RNF144A: variants seen among roughly 807,000 people sequenced by gnomAD.
RNF144A encodes the protein ring finger protein 144A, also known as E3 ubiquitin-protein ligase RNF144A.
A neutral mutation model predicts 38.7 loss-of-function variants in RNF144A; 11 were observed. The ratio of observed to expected loss-of-function variants is 0.28; its 90% confidence interval spans 0.18 to 0.47. The LOEUF (loss-of-function observed/expected upper bound fraction) is 0.47, where lower values mean the gene tolerates loss of function less well. Among genes scored for constraint, RNF144A ranks in the 20% least tolerant of loss-of-function variants. The pLI is 0.99. For missense variants in RNF144A, 316 were observed against 377.2 expected (o/e 0.84, Z 1.34); for synonymous variants, 149 against 143.9 (o/e 1.04, Z -0.25).
At chr2:7,066,115 T>C (rs961427550) in intron 6 of RNF144A, among the ~76,000 whole-genome samples, 1 of 151,800 alleles carries the variant, frequency 6.6e-6, no homozygotes, top group Non-Finnish European at 1.5e-5. Context: ...TGAGACGGAG[T>C]CTCACTCTGT....
At chr2:7,038,854 G>A (rs1049769844) in intron 8 of RNF144A, among the ~76,000 whole-genome samples, 1 of 151,756 alleles carries the variant, frequency 6.6e-6, no homozygotes, top group Non-Finnish European at 1.5e-5. Context: ...GGGTGGGTGA[G>A]TGGGTGAATG....
chr2:7,059,214 G>A (rs917288321), intron 6 of RNF144A, among the ~76,000 whole-genome samples: 1 of 152,094 alleles, frequency 6.6e-6, no homozygotes, highest in Admixed American at 6.5e-5. Flanking sequence ...AGGCATGGTG[G>A]CGGGTGCCTG....
intron 2 of RNF144A, among the ~76,000 whole-genome samples, chr2:6,992,295 G>A (rs539595945): frequency 7.2e-5 from 11 of 152,274 alleles, no homozygotes; most frequent in Admixed American, 6.5e-4. Flanking sequence ...TTAATGAGTC[G>A]GGGTTGGAGC....
chr2:6,950,165 T>C (rs933405314), intron 2 of RNF144A, among the ~76,000 whole-genome samples: 1 of 152,220 alleles, frequency 6.6e-6, no homozygotes, highest in Admixed American at 6.5e-5. Context: ...GAGAGCATCG[T>C]TGATGTGAAT....
chr2:7,011,932 G>A (rs1469356572), intron 3 of RNF144A, among the ~76,000 whole-genome samples: 1 of 152,178 alleles, frequency 6.6e-6, no homozygotes. Context: ...GCATCCTGAT[G>A]ACACATGATG....
intron 3 of RNF144A, among the ~76,000 whole-genome samples, chr2:7,012,793 G>C (rs552351256): frequency 6.6e-6 from 1 of 152,152 alleles, no homozygotes; most frequent in Non-Finnish European, 1.5e-5. Context: ...GGAGTCTCAC[G>C]TAGAACTCCA....
chr2:7,011,597 C>G (rs960499852), intron 3 of RNF144A, among the ~76,000 whole-genome samples: 13 of 152,136 alleles, frequency 8.5e-5, no homozygotes, highest in Non-Finnish European at 1.5e-5. Flanking sequence ...ATGCAATTCA[C>G]GTAGAATCTA....
intron 6 of RNF144A, among the ~76,000 whole-genome samples, chr2:7,060,422 GCA>G (rs1673907362): frequency 1.3e-5 from 2 of 152,182 alleles, no homozygotes; most frequent in South Asian, 4.2e-4. Context: ...TTTTCTTCAG[GCA>G]CACGATGACC....
At chr2:6,972,497 C>T (rs1457641906) in intron 2 of RNF144A, among the ~76,000 whole-genome samples, 1 of 152,166 alleles carries the variant, frequency 6.6e-6, no homozygotes, top group African/African-American at 2.4e-5. Context: ...GGGTTTGTTC[C>T]TTGAGCTAAT....
chr2:6,931,960 T>C (rs1234892706), intron 1 of RNF144A, among the ~76,000 whole-genome samples: 3 of 152,234 alleles, frequency 2.0e-5, no homozygotes, highest in Non-Finnish European at 4.4e-5. Context: ...AGTTCAACTA[T>C]GTTCTTATTG....
intron 2 of RNF144A, among the ~76,000 whole-genome samples, chr2:6,942,679 T>G (rs1476541483): frequency 1.3e-5 from 2 of 152,064 alleles, no homozygotes; most frequent in Non-Finnish European, 2.9e-5. Flanking sequence ...CAGAGAAGGT[T>G]TGGGTGCAAA....
chr2:7,075,521 G>A, the RNF144A span, among the ~76,000 whole-genome samples: 1 of 152,048 alleles, frequency 6.6e-6, no homozygotes, highest in East Asian at 1.9e-4. Flanking sequence ...AGGTCATCAG[G>A]GCCCTCATGA....
intron 6 of RNF144A, among the ~76,000 whole-genome samples, chr2:7,058,122 A>G (rs1048479061): frequency 1.3e-5 from 2 of 152,192 alleles, no homozygotes; most frequent in African/African-American, 4.8e-5. Context: ...AGATAAGTCA[A>G]TATGATACCT....
At chr2:6,978,594 A>T (rs1668448645) in intron 2 of RNF144A, 1 of 152,594 alleles carries the variant, frequency 6.6e-6, no homozygotes, top group African/African-American at 2.4e-5. Context: ...TCTTGGGAAT[A>T]ATTTGAAGTT....
intron 2 of RNF144A, among the ~76,000 whole-genome samples, chr2:6,979,123 A>T (rs1481361076): frequency 2.0e-5 from 3 of 152,044 alleles, no homozygotes; most frequent in African/African-American, 7.3e-5. Context: ...AGGGGCTGGG[A>T]TAGGGGCTCA....
At chr2:7,068,263 G>A in exon 7 of RNF144A, 9 of 1,302,034 alleles carry the variant, frequency 6.9e-6, no homozygotes, top group Non-Finnish European at 9.1e-6. Flanking sequence ...CTGAATCTGA[G>A]TGTCATCTGT....
intron 2 of RNF144A, among the ~76,000 whole-genome samples, chr2:6,956,118 T>C (rs1666980113): frequency 6.6e-6 from 1 of 152,122 alleles, no homozygotes; most frequent in Non-Finnish European, 1.5e-5. Context: ...ATTTAAAGCT[T>C]ATTGGGGGTT....
In RNF144A at chr2:6,954,953, G is replaced by A. The variant is rs148242719; in HGVS notation, c.-12+13806G>A. Among the ~76,000 whole-genome samples the A allele has an allele frequency of 3.0e-3, 464 of 152,170 alleles. 1 individual carries two copies. The highest frequency in any genetic ancestry group is 0.011 in the African/African-American group (444 of 41,528). Reference sequence around the variant, plus strand: ...TTTATAAGGTGACCCACACACTACCGTTTTTAAAAAGATAGTGTTATTTTT... The same window carrying A: ...TTTATAAGGTGACCCACACACTACCATTTTTAAAAAGATAGTGTTATTTTT... On this transcript the variant is annotated intron_variant, in intron 2 of 8. Transcript: ENST00000320892.
chr2:7,055,095 T>A (rs755182608), intron 6 of RNF144A, among the ~76,000 whole-genome samples: 2 of 152,202 alleles, frequency 1.3e-5, no homozygotes, highest in Non-Finnish European at 1.5e-5. Flanking sequence ...CTTCCTTTAC[T>A]GTCCTGTAGC....
Sources: allele counts gnomAD v4.1 joint callset (sites outside exome capture counted in the v4.1 genomes callset), GRCh38; gene constraint gnomAD v4.1.1; transcripts MANE v1.5; gene names NCBI Gene and HGNC (gene_info 2026-07-23, HGNC 2026-07-21).